The following PTPRN2 variants were observed in gnomAD, a reference collection of about 807,000 sequenced individuals.
PTPRN2 encodes the protein protein tyrosine phosphatase receptor type N2, also known as receptor-type tyrosine-protein phosphatase N2.
In PTPRN2, 74 loss-of-function variants were observed where a neutral mutation model predicts 118.8. That is an observed-to-expected ratio of 0.62 (90% CI 0.52 to 0.76). PTPRN2 has a LOEUF of 0.76. Among genes scored for constraint, PTPRN2 ranks in the 30% least tolerant of loss-of-function variants. PTPRN2 has a pLI of 0.00. For missense variants in PTPRN2, 1,481 were observed against 1,394.4 expected (o/e 1.06, Z -0.99); for synonymous variants, 641 against 608.0 (o/e 1.05, Z -0.80).
At chr7:158,340,994 A>G (rs200870214) in intron 2 of PTPRN2, among the ~76,000 whole-genome samples, 2 of 67,904 alleles carry the variant, frequency 2.9e-5, no homozygotes, top group African/African-American at 5.2e-5. Flanking sequence ...CACTCTCACC[A>G]TAAGAGGTGA....
chr7:157,754,484 C>G (rs1229842580), intron 12 of PTPRN2, among the ~76,000 whole-genome samples: 2 of 152,216 alleles, frequency 1.3e-5, no homozygotes, highest in Non-Finnish European at 2.9e-5. Context: ...CCTAGACCAG[C>G]CCCTGTCCCC....
At chr7:157,699,068 T>C (rs1408748892) in intron 12 of PTPRN2, among the ~76,000 whole-genome samples, 1 of 152,258 alleles carries the variant, frequency 6.6e-6, no homozygotes, top group Non-Finnish European at 1.5e-5. Flanking sequence ...GTCAGTTACA[T>C]ACTACACATC....
intron 17 of PTPRN2, among the ~76,000 whole-genome samples, chr7:157,584,384 T>C (rs966945553): frequency 6.6e-6 from 1 of 152,212 alleles, no homozygotes; most frequent in Admixed American, 6.5e-5. Context: ...AGATGCTTCA[T>C]TGAAAACAAT....
chr7:157,688,539 C>T (rs991344253), intron 12 of PTPRN2, among the ~76,000 whole-genome samples: 4 of 152,226 alleles, frequency 2.6e-5, no homozygotes, highest in Non-Finnish European at 5.9e-5. Flanking sequence ...GGCACCGGCT[C>T]CTGACCCCTA....
intron 12 of PTPRN2, among the ~76,000 whole-genome samples, chr7:157,883,687 C>T (rs1360070503): frequency 6.7e-6 from 1 of 149,608 alleles, no homozygotes; most frequent in Non-Finnish European, 1.5e-5. Flanking sequence ...CCAAAAATGA[C>T]TGTCAGAGAC....
At chr7:157,771,746 TACAGACACAA>T (rs1802823537) in intron 12 of PTPRN2, among the ~76,000 whole-genome samples, 1 of 140,564 alleles carries the variant, frequency 7.1e-6, no homozygotes, top group Non-Finnish European at 1.5e-5. Flanking sequence ...CAGACGCAGA[TACAGACACAA>T]ACAGACACAC....
chr7:157,675,978 G>T (rs1253985940), intron 13 of PTPRN2, among the ~76,000 whole-genome samples: 1 of 152,160 alleles, frequency 6.6e-6, no homozygotes, highest in Non-Finnish European at 1.5e-5. Context: ...GAAACGGAGG[G>T]GGGTGAAAGC....
At chr7:158,238,963 C>A (rs1795736415) in intron 3 of PTPRN2, among the ~76,000 whole-genome samples, 1 of 152,222 alleles carries the variant, frequency 6.6e-6, no homozygotes, top group Admixed American at 6.5e-5. Context: ...CACGCGGCTC[C>A]CCAGACTCCT....
At chr7:157,912,782 A>G (rs1280681227) in intron 11 of PTPRN2, among the ~76,000 whole-genome samples, 1 of 152,100 alleles carries the variant, frequency 6.6e-6, no homozygotes, top group African/African-American at 2.4e-5. Context: ...TGTAATGTCA[A>G]CCCTGTTATC....
chr7:158,417,738 T>C (rs57529860), intron 2 of PTPRN2, among the ~76,000 whole-genome samples: 649 of 14,816 alleles, frequency 0.044, 69 homozygotes, highest in Middle Eastern at 0.14. Context: ...TAAGTCACGG[T>C]GTACTACATC....
intron 12 of PTPRN2, among the ~76,000 whole-genome samples, chr7:157,778,970 T>C (rs1328040590): frequency 6.6e-6 from 1 of 152,222 alleles, no homozygotes; most frequent in African/African-American, 2.4e-5. Context: ...TCCCAGGAAC[T>C]TCCTGCTTTA....
At chr7:158,174,062 T>C (rs1323642564) in intron 5 of PTPRN2, among the ~76,000 whole-genome samples, 2 of 152,186 alleles carry the variant, frequency 1.3e-5, no homozygotes, top group Non-Finnish European at 2.9e-5. Flanking sequence ...AAGACAGGCA[T>C]AGGAAATTAT....
chr7:158,423,385 G>C (rs1021252359), intron 2 of PTPRN2, among the ~76,000 whole-genome samples: 2 of 152,198 alleles, frequency 1.3e-5, no homozygotes, highest in African/African-American at 4.8e-5. Flanking sequence ...CCATGACCTC[G>C]TGGGGACACG....
chr7:157,978,627 T>C (rs1802918449), intron 11 of PTPRN2, among the ~76,000 whole-genome samples: 1 of 151,892 alleles, frequency 6.6e-6, no homozygotes, highest in Admixed American at 6.6e-5. Flanking sequence ...AAGCCAGAAC[T>C]AGACTTTGCT....
intron 12 of PTPRN2, among the ~76,000 whole-genome samples, chr7:157,751,371 G>A (rs1040754891): frequency 2.6e-5 from 4 of 152,170 alleles, no homozygotes; most frequent in South Asian, 2.1e-4. Flanking sequence ...CTGTGGCAGC[G>A]GGTTTATTTT....
intron 6 of PTPRN2, among the ~76,000 whole-genome samples, chr7:158,150,580 G>A (rs1003766046): frequency 1.3e-5 from 2 of 152,072 alleles, no homozygotes; most frequent in Non-Finnish European, 2.9e-5. Flanking sequence ...GAAGGTCAAG[G>A]AGCATCTATA....
chr7:158,444,108 C>T (rs928612134), intron 2 of PTPRN2, among the ~76,000 whole-genome samples: 1 of 152,218 alleles, frequency 6.6e-6, no homozygotes, highest in Non-Finnish European at 1.5e-5. Context: ...GTGGGCACTG[C>T]CACTCACCCC....
intron 2 of PTPRN2, among the ~76,000 whole-genome samples, chr7:158,395,430 C>T (rs57987914): frequency 0.018 from 5 of 278 alleles, 1 homozygote; most frequent in Non-Finnish European, 0.018. Flanking sequence ...GGGTGAGGGG[C>T]GAGGGGTGAG....
chr7:157,825,499 A>C (rs1442585624), intron 12 of PTPRN2, among the ~76,000 whole-genome samples: 1 of 152,234 alleles, frequency 6.6e-6, no homozygotes, highest in Non-Finnish European at 1.5e-5. Flanking sequence ...ACACTCAGTC[A>C]CACTAATCCT....
Sources: gnomAD v4.1 joint callset for allele counts (sites outside exome capture counted in the v4.1 genomes callset) on GRCh38, gnomAD v4.1.1 for gene constraint, MANE v1.5 for transcripts, NCBI Gene and HGNC (gene_info 2026-07-23, HGNC 2026-07-21) for gene names.